The following CTNNA3 variants were observed in gnomAD, a reference collection of about 807,000 sequenced individuals.
The protein encoded by CTNNA3 is catenin alpha-3.
A neutral mutation model predicts 95.7 loss-of-function variants in CTNNA3; 76 were observed. The ratio of observed to expected loss-of-function variants is 0.79; its 90% confidence interval spans 0.66 to 0.96. CTNNA3 has a LOEUF of 0.96. CTNNA3 is among the 40% of genes least tolerant of loss of function. The pLI is 0.00. For synonymous variants in CTNNA3, 431 were observed against 374.4 expected (o/e 1.15, Z -1.74); for missense variants, 1,191 against 1,089.8 (o/e 1.09, Z -1.31).
intron 7 of CTNNA3, among the ~76,000 whole-genome samples, chr10:67,166,181 T>C (rs2132101711): frequency 1.3e-5 from 2 of 152,320 alleles, no homozygotes; most frequent in South Asian, 4.1e-4. Context: ...TCTAATTTAA[T>C]ACTGCTAAAG....
intron 15 of CTNNA3, among the ~76,000 whole-genome samples, chr10:66,019,214 C>T (rs1475953468): frequency 6.6e-6 from 1 of 151,968 alleles, no homozygotes; most frequent in African/African-American, 2.4e-5. Context: ...GAGGTTTTAC[C>T]CACATTCAGT....
At chr10:66,124,128 C>T (rs1049625224) in intron 13 of CTNNA3, among the ~76,000 whole-genome samples, 15 of 152,160 alleles carry the variant, frequency 9.9e-5, no homozygotes, top group African/African-American at 3.6e-4. Flanking sequence ...TTATGCTCTG[C>T]TTCTCTTATA....
chr10:66,971,246 T>C (rs1358937975), intron 7 of CTNNA3, among the ~76,000 whole-genome samples: 1 of 151,926 alleles, frequency 6.6e-6, no homozygotes, highest in Non-Finnish European at 1.5e-5. Flanking sequence ...ACCAACATAG[T>C]GAAACCCCGT....
intron 2 of CTNNA3, among the ~76,000 whole-genome samples, chr10:67,624,461 T>C (rs1429311652): frequency 6.6e-6 from 1 of 152,104 alleles, no homozygotes; most frequent in Non-Finnish European, 1.5e-5. Context: ...CCCTCCTCTA[T>C]GAAAAAGGGT....
At chr10:67,740,816 T>C (rs913876835) in intron 1 of CTNNA3, among the ~76,000 whole-genome samples, 3 of 151,308 alleles carry the variant, frequency 2.0e-5, no homozygotes, top group Non-Finnish European at 4.4e-5. Context: ...TGGGTAAATA[T>C]CCAAAGGACT....
Position 66,501,968 on chromosome 10 carries a change from A to G in CTNNA3, c.1531+18649T>C, listed in dbSNP as rs187702101. Among the ~76,000 whole-genome samples, 1,131 of 152,276 alleles carry G rather than the reference A, an allele frequency of 7.4e-3. 13 individuals carry two copies. Among genetic ancestry groups the G allele is most frequent in the Middle Eastern group, 0.027 (8 of 294 alleles). On this transcript the variant is annotated intron_variant, in intron 11 of 17. Coordinates refer to ENST00000433211, the MANE Select transcript of CTNNA3 (RefSeq NM_013266.4). ...AAAAGTTAAGACTCAGTAAGACTTC[A>G]CCGTAAGATTACATTGTGATTCTAT...
chr10:67,416,989 G>C (rs941055479), intron 5 of CTNNA3, among the ~76,000 whole-genome samples: 4 of 152,110 alleles, frequency 2.6e-5, no homozygotes, highest in African/African-American at 9.7e-5. Context: ...AAAGACACAT[G>C]TACTTGTACA....
At chr10:66,659,284 A>G (rs1564600885) in intron 9 of CTNNA3, among the ~76,000 whole-genome samples, 1 of 152,122 alleles carries the variant, frequency 6.6e-6, no homozygotes, top group Non-Finnish European at 1.5e-5. Context: ...CTATAATAAG[A>G]TAGAAACTGA....
At chr10:66,236,132 G>A (rs1010046895) in intron 13 of CTNNA3, among the ~76,000 whole-genome samples, 1 of 152,056 alleles carries the variant, frequency 6.6e-6, no homozygotes. Flanking sequence ...ATTAGGAAAA[G>A]TAAGAATGGA....
chr10:67,360,379 A>G (rs909094979), intron 5 of CTNNA3, among the ~76,000 whole-genome samples: 1 of 151,190 alleles, frequency 6.6e-6, no homozygotes, highest in Non-Finnish European at 1.5e-5. Context: ...TGTAAATGAT[A>G]TAGATGCCCC....
intron 5 of CTNNA3, among the ~76,000 whole-genome samples, chr10:67,398,540 T>C (rs959892974): frequency 7.9e-5 from 12 of 152,132 alleles, no homozygotes; most frequent in Non-Finnish European, 5.9e-5. Context: ...TACTTTTGGG[T>C]TAATGCTGGA....
At position 66,375,708 on chromosome 10, in the gene CTNNA3, C is replaced by T. The variant is rs754501805; in HGVS notation, c.1732+3444G>A. On this transcript the variant is annotated intron_variant, in intron 12 of 17. Transcript: ENST00000433211. Reference sequence around the variant, plus strand: ...CTGCTATTAAAGTTTTTTCAAACTACGTTTTAAATGAAATACATCTTAAAA... The same window carrying T: ...CTGCTATTAAAGTTTTTTCAAACTATGTTTTAAATGAAATACATCTTAAAA... Among the ~76,000 whole-genome samples, 5 of 151,984 alleles carry T rather than the reference C, an allele frequency of 3.3e-5. No individual in the cohort carries two copies. In the South Asian group the frequency reaches 6.2e-4, roughly 19 times the overall value.
chr10:67,267,257 A>G (rs185144949), intron 5 of CTNNA3, among the ~76,000 whole-genome samples: 1 of 152,386 alleles, frequency 6.6e-6, no homozygotes, highest in Non-Finnish European at 1.5e-5. Flanking sequence ...TAATAATAGC[A>G]TAATCACTTC....
In CTNNA3 at chr10:67,582,675, T is replaced by G. The variant is rs570764191; in HGVS notation, c.292+24182A>C. Among the ~76,000 whole-genome samples, 18 of 151,500 alleles carry G rather than the reference T, an allele frequency of 1.2e-4. No homozygotes were observed. In the East Asian group the frequency reaches 2.7e-3, roughly 23 times the overall value. On this transcript the variant is annotated intron_variant, in intron 3 of 17. Transcript: ENST00000433211. ...ACAGTGGGGTGTTTAAGTCTCCCAT[T>G]ATTATTGTGTGGGAGTCTAAGTCTC... is the stretch of plus-strand genomic sequence containing the variant.
chr10:66,771,733 T>A (rs910747652), intron 8 of CTNNA3, among the ~76,000 whole-genome samples: 2 of 152,204 alleles, frequency 1.3e-5, no homozygotes, highest in African/African-American at 4.8e-5. Flanking sequence ...AAATTAATAA[T>A]GTAATGAATA....
rs57231496 is a variant in CTNNA3, at chr10:67,105,605, G to A, written c.1047+74712C>T. On this transcript the variant is annotated intron_variant, in intron 7 of 17. Transcript: ENST00000433211. Reference sequence around the variant, plus strand: ...AATATAATGCCCTAAACAGTCTGATGAAAATGTGGTGAAAGATTGGTCACC... The same window carrying A: ...AATATAATGCCCTAAACAGTCTGATAAAAATGTGGTGAAAGATTGGTCACC... Among the ~76,000 whole-genome samples the A allele has an allele frequency of 5.9e-5, 9 of 152,204 alleles. No homozygotes were observed. In the East Asian group the frequency reaches 1.7e-3, roughly 29 times the overall value.
intron 7 of CTNNA3, among the ~76,000 whole-genome samples, chr10:67,092,121 T>C (rs1392102372): frequency 6.6e-6 from 1 of 152,014 alleles, no homozygotes; most frequent in Non-Finnish European, 1.5e-5. Context: ...ATTTCTTCAT[T>C]AAGAAGTCTG....
intron 11 of CTNNA3, among the ~76,000 whole-genome samples, chr10:66,408,266 G>C (rs769884519): frequency 1.3e-5 from 2 of 152,086 alleles, no homozygotes; most frequent in Non-Finnish European, 2.9e-5. Context: ...CATGGATGTG[G>C]AAATCCAGTT....
intron 13 of CTNNA3, among the ~76,000 whole-genome samples, chr10:66,177,807 C>T (rs7475245): frequency 0.83 from 125,779 of 151,918 alleles, 52,193 homozygotes; most frequent in South Asian, 0.92. Flanking sequence ...CGATGGGTAA[C>T]TAAAAAATCT....
Sources: gnomAD v4.1 joint callset for allele counts (sites outside exome capture counted in the v4.1 genomes callset) on GRCh38, gnomAD v4.1.1 for gene constraint, MANE v1.5 for transcripts, NCBI Gene and HGNC (gene_info 2026-07-23, HGNC 2026-07-21) for gene names.